KIF20B: variants seen among roughly 807,000 people sequenced by gnomAD.
KIF20B encodes kinesin family member 20B, also known as kinesin-like protein KIF20B.
In KIF20B, 188 loss-of-function variants were observed where a neutral mutation model predicts 232.5. That is an observed-to-expected ratio of 0.81 (90% CI 0.72 to 0.91). KIF20B has a LOEUF of 0.91. KIF20B is among the 40% of genes least tolerant of loss of function. KIF20B has a pLI of 0.00. For missense variants in KIF20B, 2,154 were observed against 2,055.9 expected (o/e 1.05, Z -0.92); for synonymous variants, 712 against 683.0 (o/e 1.04, Z -0.66).
rs1054090142 is a variant in KIF20B at position 89,730,679 on chromosome 10, C to T, written c.2391+1432C>T. Among the ~76,000 whole-genome samples, 3 of 152,126 alleles carry T rather than the reference C, an allele frequency of 2.0e-5. No individual in the cohort carries two copies. In the East Asian group the frequency reaches 5.8e-4, roughly 29 times the overall value. ...ATCTTTCAGTGAGTGCAGGAAAATA[C>T]AAACAATTTGTTGTTTAGGAAGAAA... is the stretch of plus-strand genomic sequence containing the variant. On this transcript the variant is annotated intron_variant, in intron 18 of 32. Transcript: ENST00000371728.
chr10:89,729,757 A>G (rs1330274092), intron 18 of KIF20B, among the ~76,000 whole-genome samples: 1 of 152,248 alleles, frequency 6.6e-6, no homozygotes, highest in Non-Finnish European at 1.5e-5. Flanking sequence ...GTTGTCTTTC[A>G]TACAAATTTA....
intron 29 of KIF20B, chr10:89,766,234 C>G (rs957272577): frequency 2.0e-5 from 3 of 152,132 alleles, no homozygotes; most frequent in African/African-American, 4.8e-5. Context: ...CTTCCCTTCT[C>G]GCTTCATTTC....
chr10:89,753,561 A>G (rs1454521732), intron 25 of KIF20B, among the ~76,000 whole-genome samples: 2 of 152,192 alleles, frequency 1.3e-5, no homozygotes, highest in African/African-American at 2.4e-5. Context: ...ATTAGTGTAG[A>G]TTATAAACTT....
chr10:89,753,698 G>A (rs1842065468), intron 25 of KIF20B, among the ~76,000 whole-genome samples: 2 of 152,038 alleles, frequency 1.3e-5, no homozygotes, highest in Admixed American at 1.3e-4. Flanking sequence ...TCGGCTCACT[G>A]CAGCCTCCAC....
intron 18 of KIF20B, among the ~76,000 whole-genome samples, chr10:89,730,930 T>C (rs1843304220): frequency 6.6e-6 from 1 of 152,182 alleles, no homozygotes; most frequent in African/African-American, 2.4e-5. Context: ...TAGCTACCTC[T>C]TGGAAGAGTT....
At position 89,768,743 on chromosome 10, in the gene KIF20B, C is replaced by T; in HGVS notation, c.5097C>T (p.Ala1699=). The stretch of plus-strand genomic sequence containing the variant: ...AAAAATGTTTTGTTTATTAGGTTGC[C>T]ATACGTCCATCATCTAAGAAAACAT... ...NSSVKKEQKV[A]IRPSSKKTYS... is the part of the protein sequence containing the mutation. Residue 1699 remains alanine (A), a synonymous_variant, in exon 31 of 33, where the codon GCC becomes GCT. Transcript: ENST00000371728. The T allele has an allele frequency of 1.3e-6, 2 of 1,585,378 alleles. No individual in the cohort carries two copies. The highest frequency in any genetic ancestry group is 1.7e-6 in the Non-Finnish European group (2 of 1,171,566).
chr10:89,710,166 A>T, intron 5 of KIF20B, 101 bp downstream of exon 5: 2 of 1,008,478 alleles, frequency 2.0e-6, no homozygotes, highest in Non-Finnish European at 2.8e-6. Flanking sequence ...ATTACCTAGT[A>T]TGCGTTTGCT....
At chr10:89,734,903 T>G (rs1327557798) in intron 19 of KIF20B, among the ~76,000 whole-genome samples, 2 of 152,176 alleles carry the variant, frequency 1.3e-5, no homozygotes, top group African/African-American at 4.8e-5. Context: ...CACTGTCAAC[T>G]TCTAGAAATT....
chr10:89,739,491 T>G (rs557912143), intron 21 of KIF20B, among the ~76,000 whole-genome samples: 1 of 150,884 alleles, frequency 6.6e-6, no homozygotes, highest in African/African-American at 2.5e-5. Context: ...ATAATAGATG[T>G]ATACAATGAG....
intron 21 of KIF20B, among the ~76,000 whole-genome samples, chr10:89,741,586 G>A (rs796082997): frequency 4.6e-5 from 7 of 152,108 alleles, no homozygotes; most frequent in Admixed American, 1.3e-4. Context: ...ACACAATATC[G>A]GGTATAGACA....
At chr10:89,719,158 G>C (rs1286602158) in intron 12 of KIF20B, among the ~76,000 whole-genome samples, 2 of 152,122 alleles carry the variant, frequency 1.3e-5, no homozygotes, top group African/African-American at 2.4e-5. Context: ...GTACTTCTGG[G>C]TGATTGGAAA....
At chr10:89,730,515 T>A (rs1256727688) in intron 18 of KIF20B, among the ~76,000 whole-genome samples, 1 of 152,116 alleles carries the variant, frequency 6.6e-6, no homozygotes, top group Non-Finnish European at 1.5e-5. Context: ...TGAAAATGAT[T>A]AAGTTGAGCC....
At position 89,726,470 on chromosome 10, in the gene KIF20B, A is replaced by G. The variant is rs1202547461; in HGVS notation, c.2179A>G (p.Thr727Ala). ...TCAAATTAAAGCTGAATTAGCTAAAACCAAAGGAGAATTAATCAAAACCAA... is the reference window on the plus strand; with the variant it reads ...TCAAATTAAAGCTGAATTAGCTAAAGCCAAAGGAGAATTAATCAAAACCAA... ...FNQIKAELAK[T>A]KGELIKTKEE... Residue 727 changes from threonine to alanine, a missense_variant, in exon 16 of 33, where the codon ACC (threonine) becomes GCC (alanine). By Grantham distance (58) the Thr-to-Ala change is moderately conservative. Coordinates refer to ENST00000371728, the MANE Select transcript of KIF20B (RefSeq NM_001284259.2). The G allele has an allele frequency of 4.4e-6, 7 of 1,607,538 alleles. No homozygotes were observed. The highest frequency in any genetic ancestry group is 5.9e-6 in the Non-Finnish European group (7 of 1,176,610).
Position 89,717,665 on chromosome 10 carries a change from C to A in KIF20B, c.1214C>A (p.Thr405Asn). The A allele has an allele frequency of 1.2e-6, 2 of 1,609,574 alleles. No individual in the cohort carries two copies. Among genetic ancestry groups the A allele is most frequent in the African/African-American group, 2.7e-5 (2 of 74,902 alleles). ...TTAAGAGAGACTGGGAATATCAACACTTCTTTATTGACTCTGGGAAAGTGT... is the reference window on the plus strand; with the variant it reads ...TTAAGAGAGACTGGGAATATCAACAATTCTTTATTGACTCTGGGAAAGTGT... ...ERLRETGNIN[T>N]SLLTLGKCIN... The change falls in exon 11 of 33, where the codon ACT becomes AAT. Residue 405 changes from threonine (T) to asparagine (N), a missense_variant. Transcript: ENST00000371728.
At chr10:89,707,572 C>T (rs1178792472) in intron 2 of KIF20B, among the ~76,000 whole-genome samples, 3 of 150,254 alleles carry the variant, frequency 2.0e-5, no homozygotes, top group Admixed American at 6.6e-5. Flanking sequence ...CTTCCCTTCC[C>T]TTTTACCTTT....
At chr10:89,726,197 T>C in intron 15 of KIF20B, 96 bp from the exon 16 acceptor site, 1 of 1,322,168 alleles carries the variant, frequency 7.6e-7, no homozygotes, top group Non-Finnish European at 9.7e-7. Flanking sequence ...GTGATGAATT[T>C]TTTGCTTTTT....
intron 22 of KIF20B, 44 bp downstream of exon 22, chr10:89,743,971 G>C (rs751822900): frequency 2.0e-6 from 3 of 1,514,752 alleles, no homozygotes. Context: ...GCATTCTCTT[G>C]GTATATTTTA....
chr10:89,708,102 T>A (rs1164463786), intron 2 of KIF20B, among the ~76,000 whole-genome samples: 1 of 152,222 alleles, frequency 6.6e-6, no homozygotes, highest in Non-Finnish European at 1.5e-5. Context: ...GTTTTCTAAT[T>A]TTTTCCTGAG....
intron 31 of KIF20B, among the ~76,000 whole-genome samples, chr10:89,769,824 G>T (rs1321279555): frequency 6.6e-6 from 1 of 151,984 alleles, no homozygotes; most frequent in African/African-American, 2.4e-5. Context: ...GTGAGATGGA[G>T]TAGTGGGTTT....
Sources: allele counts gnomAD v4.1 joint callset (sites outside exome capture counted in the v4.1 genomes callset), GRCh38; gene constraint gnomAD v4.1.1; transcripts MANE v1.5; gene names NCBI Gene and HGNC (gene_info 2026-07-23, HGNC 2026-07-21).